The following USH2A variants were observed in gnomAD, a reference collection of about 807,000 sequenced individuals.
The protein encoded by USH2A is Usher syndrome 2A (autosomal recessive, mild).
A neutral mutation model predicts 538.9 loss-of-function variants in USH2A; 443 were observed. That is an observed-to-expected ratio of 0.82 (90% confidence interval 0.76 to 0.89). USH2A has a LOEUF of 0.89. USH2A is among the 40% of genes least tolerant of loss of function. The probability of loss-of-function intolerance (pLI) is 0.00; values close to 1 mark genes in which losing one functional copy is unlikely to be tolerated. For synonymous variants in USH2A, 2,413 were observed against 2,273.5 expected (o/e 1.06, Z -1.75); for missense variants, 6,633 against 6,324.8 (o/e 1.05, Z -1.65).
chr1:216,339,293 C>T (rs1370499306), intron 4 of USH2A, among the ~76,000 whole-genome samples: 1 of 151,360 alleles, frequency 6.6e-6, no homozygotes, highest in Non-Finnish European at 1.5e-5. Flanking sequence ...TATATGAGCA[C>T]TTACATAAAT....
intron 47 of USH2A, among the ~76,000 whole-genome samples, chr1:215,831,755 C>G (rs1663324629): frequency 6.6e-6 from 1 of 151,886 alleles, no homozygotes; most frequent in Non-Finnish European, 1.5e-5. Context: ...AAGTTTTCAT[C>G]TTTAAGAAAC....
intron 44 of USH2A, among the ~76,000 whole-genome samples, chr1:215,864,862 T>C (rs1479521656): frequency 6.6e-6 from 1 of 152,164 alleles, no homozygotes; most frequent in Admixed American, 6.5e-5. Flanking sequence ...AATCTGTGAT[T>C]GATAAAAATT....
intron 44 of USH2A, among the ~76,000 whole-genome samples, chr1:215,850,797 A>G (rs1392026041): frequency 6.6e-6 from 1 of 152,208 alleles, no homozygotes; most frequent in East Asian, 1.9e-4. Context: ...GATAAGCCAC[A>G]AAATGAGTCT....
chr1:215,753,848 A>G (rs1400227999), intron 58 of USH2A, among the ~76,000 whole-genome samples: 1 of 152,216 alleles, frequency 6.6e-6, no homozygotes, highest in African/African-American at 2.4e-5. Context: ...TTCTCCCAGA[A>G]TCATTTGGTT....
intron 58 of USH2A, among the ~76,000 whole-genome samples, chr1:215,757,569 A>G (rs1276508743): frequency 1.3e-5 from 2 of 152,180 alleles, no homozygotes. Flanking sequence ...TAGATATTAA[A>G]AATAAAGTCA....
intron 49 of USH2A, among the ~76,000 whole-genome samples, chr1:215,801,607 A>G (rs192917652): frequency 1.3e-5 from 2 of 152,214 alleles, no homozygotes; most frequent in East Asian, 3.9e-4. Context: ...ATACTACAAA[A>G]TGTTGTTGAA....
chr1:215,774,676 C>T (rs1487294252), intron 55 of USH2A, among the ~76,000 whole-genome samples: 2 of 151,902 alleles, frequency 1.3e-5, no homozygotes, highest in African/African-American at 4.8e-5. Flanking sequence ...TCTGATGTTG[C>T]TCAAACGTGA....
intron 32 of USH2A, among the ~76,000 whole-genome samples, chr1:216,033,468 T>C (rs913848732): frequency 2.0e-5 from 3 of 152,288 alleles, no homozygotes; most frequent in African/African-American, 7.2e-5. Flanking sequence ...AAAAGGCATG[T>C]GGTATTTCAC....
At chr1:215,811,321 C>G (rs1662669186) in intron 49 of USH2A, among the ~76,000 whole-genome samples, 1 of 152,180 alleles carries the variant, frequency 6.6e-6, no homozygotes, top group African/African-American at 2.4e-5. Context: ...CCACATGATT[C>G]CTAACCTTCC....
At chr1:215,885,098 G>C (rs565437699) in intron 41 of USH2A, among the ~76,000 whole-genome samples, 23 of 151,538 alleles carry the variant, frequency 1.5e-4, no homozygotes, top group African/African-American at 4.4e-4. Flanking sequence ...CTCAATTCAA[G>C]GCTTCAGTAC....
At chr1:216,362,545 T>C (rs1320969485) in intron 4 of USH2A, among the ~76,000 whole-genome samples, 11 of 152,170 alleles carry the variant, frequency 7.2e-5, no homozygotes, top group Middle Eastern at 6.3e-3. Flanking sequence ...ATTAGAGCAA[T>C]CTCTGTAATA....
chr1:216,050,560 T>TTTCTTTCTTTCTTTC (rs1553294759), intron 30 of USH2A, among the ~76,000 whole-genome samples: 1 of 35,694 alleles, frequency 2.8e-5, no homozygotes, highest in African/African-American at 7.4e-5. Context: ...ATTTGTATCT[T>TTTCTTTCTTTCTTTC]TTTCTTTCTT....
intron 11 of USH2A, among the ~76,000 whole-genome samples, chr1:216,270,522 C>T (rs2036554566): frequency 6.6e-6 from 1 of 152,064 alleles, no homozygotes; most frequent in African/African-American, 2.4e-5. Context: ...TTCTATACAT[C>T]CACAAGCTAT....
intron 47 of USH2A, among the ~76,000 whole-genome samples, chr1:215,828,677 G>A (rs929494023): frequency 1.3e-5 from 2 of 152,046 alleles, no homozygotes; most frequent in East Asian, 3.9e-4. Context: ...TCCCCAAACT[G>A]ATTTGGATGT....
At chr1:216,295,085 T>A (rs2037076983) in intron 9 of USH2A, among the ~76,000 whole-genome samples, 3 of 151,872 alleles carry the variant, frequency 2.0e-5, no homozygotes, top group Admixed American at 6.6e-5. Flanking sequence ...TTTTTACTCA[T>A]TTTAATGAAA....
intron 11 of USH2A, among the ~76,000 whole-genome samples, chr1:216,257,245 G>A (rs2036277498): frequency 6.6e-6 from 1 of 151,482 alleles, no homozygotes; most frequent in Non-Finnish European, 1.5e-5. Flanking sequence ...TTCATTATAT[G>A]TATTGCAAAT....
At chr1:216,023,397 T>G (rs1414699042) in intron 32 of USH2A, among the ~76,000 whole-genome samples, 11 of 140,996 alleles carry the variant, frequency 7.8e-5, no homozygotes, top group Non-Finnish European at 1.5e-5. Context: ...TCTTTCTCCC[T>G]TTTTTTATGT....
intron 44 of USH2A, among the ~76,000 whole-genome samples, chr1:215,857,061 CGG>C (rs1558130052): frequency 6.6e-6 from 1 of 151,946 alleles, no homozygotes; most frequent in Non-Finnish European, 1.5e-5. Flanking sequence ...TTTGGGCACT[CGG>C]GGGAGTGGGT....
chr1:216,032,155 T>A (rs1422042573), intron 32 of USH2A, among the ~76,000 whole-genome samples: 1 of 152,168 alleles, frequency 6.6e-6, no homozygotes, highest in East Asian at 1.9e-4. Flanking sequence ...CAACAAATAT[T>A]TTCTGAGTTA....
Sources: gnomAD v4.1 joint callset for allele counts (sites outside exome capture counted in the v4.1 genomes callset) on GRCh38, gnomAD v4.1.1 for gene constraint, MANE v1.5 for transcripts, NCBI Gene and HGNC (gene_info 2026-07-23, HGNC 2026-07-21) for gene names.